CDH9: variants seen among roughly 807,000 people sequenced by gnomAD.
The protein encoded by CDH9 is cadherin 9.
CDH9 carries 28 observed loss-of-function variants against 70.9 expected under a neutral mutation model. The observed-to-expected ratio is 0.40, with a 90% confidence interval of 0.29 to 0.54. CDH9 has a LOEUF of 0.54. Among genes scored for constraint, CDH9 ranks in the 20% least tolerant of loss-of-function variants. The pLI is 0.59. For missense variants in CDH9, 874 were observed against 984.4 expected (o/e 0.89, Z 1.50); for synonymous variants, 409 against 343.1 (o/e 1.19, Z -2.12).
Position 26,906,985 on chromosome 5 carries a change from G to A in CDH9, c.524-147C>T, listed in dbSNP as rs1740960364. 3 of 1,251,696 alleles carry A rather than the reference G, an allele frequency of 2.4e-6. No individual in the cohort carries two copies. In the South Asian group the frequency reaches 8.6e-5, roughly 36 times the overall value. 77.5% of individuals were successfully genotyped at this position (1,251,696 alleles called of 1,614,324 possible). On this transcript the variant is annotated intron_variant, in intron 3 of 11. Coordinates refer to ENST00000231021, the MANE Select transcript of CDH9 (RefSeq NM_016279.4). ...TTTATTTAAATACTTCCTCAAAAAA[G>A]TTACTTTCCTTTCTCATTTTCTATA...
chr5:27,038,038 T>C, intron 1 of CDH9, among the ~76,000 whole-genome samples: 1 of 151,962 alleles, frequency 6.6e-6, no homozygotes, highest in East Asian at 1.9e-4. Context: ...TTGACTCAAG[T>C]GATTTAAACA....
chr5:26,989,334 C>T (rs1052062582), intron 1 of CDH9, among the ~76,000 whole-genome samples: 5 of 151,940 alleles, frequency 3.3e-5, no homozygotes, highest in Non-Finnish European at 7.4e-5. Flanking sequence ...TGGCTATGAT[C>T]TATTAAGCAA....
intron 9 of CDH9, among the ~76,000 whole-genome samples, chr5:26,887,688 C>G (rs967744149): frequency 6.6e-6 from 1 of 152,018 alleles, no homozygotes; most frequent in Admixed American, 6.6e-5. Flanking sequence ...AGGCCGTTTG[C>G]AGATAAAATC....
chr5:26,942,117 A>C (rs899904235), intron 2 of CDH9, among the ~76,000 whole-genome samples: 7 of 152,202 alleles, frequency 4.6e-5, no homozygotes, highest in Admixed American at 4.6e-4. Flanking sequence ...GGGAGGCCTC[A>C]GGAAACACAA....
intron 2 of CDH9, among the ~76,000 whole-genome samples, chr5:26,927,988 A>C (rs961055385): frequency 4.6e-5 from 7 of 152,094 alleles, no homozygotes; most frequent in Admixed American, 1.3e-4. Context: ...TGACTCTGTC[A>C]AAACCAGATT....
At chr5:26,993,005 C>T (rs925822045) in intron 1 of CDH9, among the ~76,000 whole-genome samples, 3 of 149,612 alleles carry the variant, frequency 2.0e-5, no homozygotes, top group Non-Finnish European at 3.0e-5. Context: ...CTGAGGCAGG[C>T]GAATCACTTG....
At chr5:26,883,041 TTATATATATATATA>T (rs59145200) in intron 11 of CDH9, among the ~76,000 whole-genome samples, 698 of 58,020 alleles carry the variant, frequency 0.012, 59 homozygotes, top group African/African-American at 0.028. Flanking sequence ...CAGGATCATC[TTATATATATATATA>T]TATATATATA....
At chr5:26,973,753 A>G (rs1742259768) in intron 2 of CDH9, among the ~76,000 whole-genome samples, 1 of 152,120 alleles carries the variant, frequency 6.6e-6, no homozygotes, top group African/African-American at 2.4e-5. Flanking sequence ...TTTTAATATG[A>G]TGAACACATT....
In CDH9 at chr5:26,979,093, A is replaced by C. The variant is rs568669577; in HGVS notation, c.228+9013T>G. ...GCACTGACTAGACATATTTATATAA[A>C]TTAATAGAAAAGATTATCTTTATTT... On this transcript the variant is annotated intron_variant, in intron 2 of 11. Coordinates refer to ENST00000231021, the MANE Select transcript of CDH9 (RefSeq NM_016279.4). Among the ~76,000 whole-genome samples, 6 of 151,838 alleles carry C rather than the reference A, an allele frequency of 4.0e-5. No homozygotes were observed. The South Asian group carries it at 1.0e-3, about 26-fold the overall frequency.
At chr5:26,950,706 G>T (rs1330428760) in intron 2 of CDH9, among the ~76,000 whole-genome samples, 1 of 152,112 alleles carries the variant, frequency 6.6e-6, no homozygotes, top group Non-Finnish European at 1.5e-5. Flanking sequence ...ACTATGGTAG[G>T]TAGGGGAATA....
At chr5:26,962,023 G>C (rs567461308) in intron 2 of CDH9, among the ~76,000 whole-genome samples, 23 of 152,076 alleles carry the variant, frequency 1.5e-4, no homozygotes, top group Non-Finnish European at 3.2e-4. Flanking sequence ...CGCCCTCCCT[G>C]TGTCCATGTG....
At chr5:27,001,840 A>ACTCTCTCTCTCTCT (rs1275615228) in intron 1 of CDH9, among the ~76,000 whole-genome samples, 14 of 123,486 alleles carry the variant, frequency 1.1e-4, no homozygotes, top group African/African-American at 4.7e-4. Context: ...ACACACACAC[A>ACTCTCTCTCTCTCT]CACACTCTCT....
At chr5:26,920,303 T>A (rs754341598) in intron 2 of CDH9, among the ~76,000 whole-genome samples, 1 of 151,606 alleles carries the variant, frequency 6.6e-6, no homozygotes, top group Non-Finnish European at 1.5e-5. Context: ...GAGGGAAGAC[T>A]GAGGGATTTT....
At chr5:26,995,567 T>C (rs1742651661) in intron 1 of CDH9, among the ~76,000 whole-genome samples, 1 of 152,146 alleles carries the variant, frequency 6.6e-6, no homozygotes, top group South Asian at 2.1e-4. Context: ...TTAGAGAACA[T>C]CAGTACAACT....
At chr5:26,952,699 A>G (rs1186316129) in intron 2 of CDH9, among the ~76,000 whole-genome samples, 1 of 149,934 alleles carries the variant, frequency 6.7e-6, no homozygotes. Context: ...CTTGGTCCTC[A>G]TGAAAAGATG....
intron 7 of CDH9, among the ~76,000 whole-genome samples, chr5:26,897,415 C>A (rs1176983998): frequency 6.6e-6 from 1 of 152,088 alleles, no homozygotes; most frequent in East Asian, 1.9e-4. Flanking sequence ...ATGTGAAAAT[C>A]CTCAGTAATA....
chr5:26,934,703 G>A (rs1741528747), intron 2 of CDH9, among the ~76,000 whole-genome samples: 1 of 152,056 alleles, frequency 6.6e-6, no homozygotes, highest in South Asian at 2.1e-4. Context: ...ATCTACCACT[G>A]TTACATCAAG....
At chr5:26,992,101 C>T (rs901553166) in intron 1 of CDH9, among the ~76,000 whole-genome samples, 8 of 152,226 alleles carry the variant, frequency 5.3e-5, no homozygotes, top group African/African-American at 1.9e-4. Flanking sequence ...AACCTAGATC[C>T]CTTGCACGCC....
At chr5:26,962,334 T>C (rs1283221690) in intron 2 of CDH9, among the ~76,000 whole-genome samples, 2 of 152,214 alleles carry the variant, frequency 1.3e-5, no homozygotes, top group Non-Finnish European at 1.5e-5. Flanking sequence ...TTTGGGTATA[T>C]ACCCAGTAAT....
Sources: allele counts gnomAD v4.1 joint callset (sites outside exome capture counted in the v4.1 genomes callset), GRCh38; gene constraint gnomAD v4.1.1; transcripts MANE v1.5; gene names NCBI Gene and HGNC (gene_info 2026-07-23, HGNC 2026-07-21).